Variants in ZNF521 observed in about 807,000 individuals in gnomAD.
The protein encoded by ZNF521 is zinc finger protein 521, also known as LYST-interacting protein 3.
Under a neutral mutation model 105.5 loss-of-function variants are expected in ZNF521, and 14 were observed. The observed-to-expected ratio is 0.13, with a 90% confidence interval of 0.09 to 0.21. The LOEUF (loss-of-function observed/expected upper bound fraction) is 0.21, where lower values mean the gene tolerates loss of function less well. Ranked by LOEUF, ZNF521 falls within the 10% of genes least tolerant of loss-of-function variation. The pLI is 1.00. For missense variants in ZNF521, 1,233 were observed against 1,629.7 expected (o/e 0.76, Z 4.19); for synonymous variants, 635 against 606.0 (o/e 1.05, Z -0.70).
At position 25,175,240 on chromosome 18, in the gene ZNF521, A is replaced by G. The variant is rs140591062; in HGVS notation, c.3658+19920T>C. On this transcript the variant is annotated intron_variant, in intron 5 of 7. Coordinates refer to ENST00000361524, the MANE Select transcript of ZNF521 (RefSeq NM_015461.3). Reference sequence around the variant, plus strand: ...AAGGGGCCATTCCTACCTCCGACGTATAAGTGGTTAGACCTTTCCTCCTCA... The same window carrying G: ...AAGGGGCCATTCCTACCTCCGACGTGTAAGTGGTTAGACCTTTCCTCCTCA... Among the ~76,000 whole-genome samples, 431 of 152,338 alleles carry G rather than the reference A, an allele frequency of 2.8e-3. 1 individual carries two copies. The highest frequency in any genetic ancestry group is 9.7e-3 in the African/African-American group (404 of 41,576).
At chr18:25,219,927 C>G (rs374415987) in intron 4 of ZNF521, among the ~76,000 whole-genome samples, 9 of 152,352 alleles carry the variant, frequency 5.9e-5, no homozygotes, top group African/African-American at 1.9e-4. Flanking sequence ...CATGCAGTCA[C>G]GTAACCACCA....
chr18:25,169,967 C>T (rs935786246), intron 5 of ZNF521, among the ~76,000 whole-genome samples: 9 of 152,164 alleles, frequency 5.9e-5, no homozygotes, highest in African/African-American at 2.2e-4. Context: ...CACTACTCAG[C>T]CATTTTATTA....
In ZNF521 at chr18:25,182,723, T is replaced by C. The variant is rs2035653715; in HGVS notation, c.3658+12437A>G. Among the ~76,000 whole-genome samples the C allele has an allele frequency of 2.0e-5, 3 of 152,204 alleles. No homozygotes were observed. The South Asian group carries it at 6.2e-4, about 32-fold the overall frequency. On this transcript the variant is annotated intron_variant, in intron 5 of 7. Transcript: ENST00000361524. ...GTGTTTTACAGATGAGATGTGTCTCTGTGCAGTTTGAATGAATACTGTGGT... is the reference window on the plus strand; with the variant it reads ...GTGTTTTACAGATGAGATGTGTCTCCGTGCAGTTTGAATGAATACTGTGGT...
intron 3 of ZNF521, among the ~76,000 whole-genome samples, chr18:25,306,791 A>C (rs1188390109): frequency 6.6e-6 from 1 of 151,930 alleles, no homozygotes; most frequent in African/African-American, 2.4e-5. Context: ...TGTTACAAAA[A>C]TTGGAGTAAG....
chr18:25,198,057 T>C (rs980758615), intron 4 of ZNF521, among the ~76,000 whole-genome samples: 1 of 151,898 alleles, frequency 6.6e-6, no homozygotes, highest in Non-Finnish European at 1.5e-5. Flanking sequence ...GGGCCCCAGA[T>C]TGGCCTTTAT....
chr18:25,161,117 G>A (rs1343738627), intron 5 of ZNF521, among the ~76,000 whole-genome samples: 1 of 152,038 alleles, frequency 6.6e-6, no homozygotes, highest in African/African-American at 2.4e-5. Context: ...CATTATGAAG[G>A]CTTGTGACGG....
Position 25,230,197 on chromosome 18 carries a change from C to G in ZNF521, c.221-2500G>C, listed in dbSNP as rs1024588715. Among the ~76,000 whole-genome samples the G allele has an allele frequency of 3.9e-5, 6 of 152,258 alleles. No individual in the cohort carries two copies. In the East Asian group the frequency reaches 1.2e-3, roughly 29 times the overall value. ...TAAAGGAAATTACACAACACCCCCT[C>G]TAGAAGTCATAAGGCGTGGGGATTG... On this transcript the variant is annotated intron_variant, in intron 3 of 7. Transcript: ENST00000361524.
At chr18:25,116,964 T>TATATATACAC (rs2034329575) in intron 5 of ZNF521, among the ~76,000 whole-genome samples, 4 of 100,762 alleles carry the variant, frequency 4.0e-5, no homozygotes, top group South Asian at 4.3e-4. Flanking sequence ...TGTATATATG[T>TATATATACAC]ATATATATGT....
chr18:25,262,165 T>C (rs1908955554), intron 3 of ZNF521, among the ~76,000 whole-genome samples: 1 of 152,144 alleles, frequency 6.6e-6, no homozygotes, highest in Non-Finnish European at 1.5e-5. Flanking sequence ...ACTCATACCA[T>C]GGGAGTCTTC....
intron 2 of ZNF521, among the ~76,000 whole-genome samples, chr18:25,344,989 A>G (rs972057645): frequency 1.3e-5 from 2 of 152,238 alleles, no homozygotes; most frequent in African/African-American, 2.4e-5. Context: ...CTTTTCTACT[A>G]TCAAAACCTC....
At chr18:25,304,813 T>C (rs1390567192) in intron 3 of ZNF521, among the ~76,000 whole-genome samples, 1 of 152,214 alleles carries the variant, frequency 6.6e-6, no homozygotes, top group Non-Finnish European at 1.5e-5. Context: ...TTCTGGTATA[T>C]AATGATATAC....
rs534904788 is a variant in ZNF521 at position 25,153,627 on chromosome 18, T to C, written c.3658+41533A>G. On this transcript the variant is annotated intron_variant, in intron 5 of 7. Transcript: ENST00000361524. ...CATCTGGGAAACTGCACTGCGGATG[T>C]CTCCACAGAGAATCACAGATGCTGT... is the stretch of plus-strand genomic sequence containing the variant. Among the ~76,000 whole-genome samples, 66 of 152,288 alleles carry C rather than the reference T, an allele frequency of 4.3e-4. No homozygotes were observed. The Middle Eastern group carries it at 0.017, about 39-fold the overall frequency.
At chr18:25,075,973 T>C (rs1419451493) in intron 7 of ZNF521, among the ~76,000 whole-genome samples, 1 of 152,208 alleles carries the variant, frequency 6.6e-6, no homozygotes, top group Non-Finnish European at 1.5e-5. Flanking sequence ...TCATTTTTTT[T>C]TGGAATGCAA....
intron 5 of ZNF521, among the ~76,000 whole-genome samples, chr18:25,172,768 C>T (rs2035470231): frequency 6.6e-6 from 1 of 152,242 alleles, no homozygotes. Flanking sequence ...TAGTAACATA[C>T]CCCGTTGACT....
At chr18:25,089,714 G>A in intron 6 of ZNF521, 134 bp from the exon 7 acceptor site, 6 of 687,794 alleles carry the variant, frequency 8.7e-6, no homozygotes, top group Non-Finnish European at 1.5e-5. Context: ...GACCTGGGGA[G>A]AGCTGAGTCA....
chr18:25,309,210 G>C (rs1021840822), intron 3 of ZNF521, among the ~76,000 whole-genome samples: 6 of 152,192 alleles, frequency 3.9e-5, no homozygotes, highest in African/African-American at 1.4e-4. Context: ...CATAACCATC[G>C]CTTCAGTCCA....
At chr18:25,182,796 G>C (rs936050425) in intron 5 of ZNF521, among the ~76,000 whole-genome samples, 1 of 152,114 alleles carries the variant, frequency 6.6e-6, no homozygotes, top group African/African-American at 2.4e-5. Flanking sequence ...TAGCAAACAG[G>C]CTTCTAGAAG....
At chr18:25,076,479 T>C (rs1043691216) in intron 7 of ZNF521, among the ~76,000 whole-genome samples, 1 of 152,316 alleles carries the variant, frequency 6.6e-6, no homozygotes, top group South Asian at 2.1e-4. Flanking sequence ...AAATGAATTA[T>C]CTCTTATCCC....
chr18:25,350,005 G>C (rs1914653969), intron 2 of ZNF521, among the ~76,000 whole-genome samples: 1 of 151,700 alleles, frequency 6.6e-6, no homozygotes, highest in African/African-American at 2.4e-5. Flanking sequence ...CGATTTCCTC[G>C]GAAGGAGGCT....
Sources: gnomAD v4.1 joint callset for allele counts (sites outside exome capture counted in the v4.1 genomes callset) on GRCh38, gnomAD v4.1.1 for gene constraint, MANE v1.5 for transcripts, NCBI Gene and HGNC (gene_info 2026-07-23, HGNC 2026-07-21) for gene names.